Variants in ZNF480 observed in about 807,000 individuals in gnomAD.
The protein encoded by ZNF480 is zinc finger protein 480.
ZNF480 carries 15 observed loss-of-function variants against 14.4 expected under a neutral mutation model. That is an observed-to-expected ratio of 1.04 (90% CI 0.70 to 1.60). The LOEUF is 1.60. Ranked by LOEUF, ZNF480 falls within the 40% of genes most tolerant of loss-of-function variation. The pLI is 0.00. For missense variants in ZNF480, 593 were observed against 629.7 expected, an observed-to-expected ratio of 0.94 and a Z score of 0.62; for synonymous variants, 218 against 215.5, an observed-to-expected ratio of 1.01 and a Z score of -0.10.
Position 52,314,212 on chromosome 19 carries a change from G to A in ZNF480, c.132G>A (p.Leu44=). ...TCTCTCAGGCGGAGTGGAAATGCCTGGACCCTGCACAGAGGGCTTTATACA... is the reference window on the plus strand; with the variant it reads ...TCTCTCAGGCGGAGTGGAAATGCCTAGACCCTGCACAGAGGGCTTTATACA... ...IEFSQAEWKC[L]DPAQRALYKD... The change falls in exon 3 of 5, where the codon CTG becomes CTA. Residue 44 remains leucine, a synonymous_variant. Coordinates refer to ENST00000595962, the MANE Select transcript of ZNF480 (RefSeq NM_144684.4). The A allele has an allele frequency of 6.3e-7, 1 of 1,585,550 alleles. No individual in the cohort carries two copies. Among genetic ancestry groups the A allele is most frequent in the Admixed American group, 1.7e-5 (1 of 59,012 alleles).
At chr19:52,310,386 T>C (rs896167976) in intron 2 of ZNF480, among the ~76,000 whole-genome samples, 2 of 152,214 alleles carry the variant, frequency 1.3e-5, no homozygotes, top group African/African-American at 4.8e-5. Flanking sequence ...GTTAATATGT[T>C]AAAATGACAT....
chr19:52,301,291 A>C (rs1011857621), intron 2 of ZNF480: 10 of 152,236 alleles, frequency 6.6e-5, no homozygotes, highest in African/African-American at 2.2e-4. Flanking sequence ...AATAGCTGCT[A>C]ATCTGTCTGC....
chr19:52,308,064 A>G (rs1056071087), intron 2 of ZNF480, among the ~76,000 whole-genome samples: 1 of 152,040 alleles, frequency 6.6e-6, no homozygotes, highest in African/African-American at 2.4e-5. Flanking sequence ...ACTGGGGATG[A>G]GGCTTCACTG....
intron 4 of ZNF480, among the ~76,000 whole-genome samples, chr19:52,318,858 C>CT (rs978273359): frequency 1.5e-4 from 23 of 150,542 alleles, no homozygotes; most frequent in East Asian, 7.8e-4. Context: ...TCTATTCTTG[C>CT]TTTTTTTTTC....
intron 2 of ZNF480, among the ~76,000 whole-genome samples, chr19:52,308,309 T>TC (rs771262154): frequency 2.4e-4 from 25 of 104,078 alleles, no homozygotes; most frequent in South Asian, 1.9e-3. Context: ...TTTTTCTTCT[T>TC]TTTTTTTTTT....
In ZNF480 at chr19:52,325,373, CAA is replaced by C. The variant is rs1253738464; in HGVS notation, c.*2517_*2518del. The C allele has an allele frequency of 2.6e-5, 4 of 152,170 alleles. No individual in the cohort carries two copies. The highest frequency in any genetic ancestry group is 4.4e-5 in the Non-Finnish European group (3 of 68,032). The allele number at this position is 152,170 out of a possible 1,614,324, so 9.4% of individuals were successfully genotyped here. A position where few individuals can be genotyped will look rare whatever the true frequency, so the allele number is the denominator to read the frequency against. ...TGTGGAAAGCACTGCAGCGATTTCT[CAA>C]AGACATAAAAGAACATAGCATTCAA... On this transcript the variant is annotated 3_prime_UTR_variant, in exon 5 of 5. Coordinates refer to ENST00000595962, the MANE Select transcript of ZNF480 (RefSeq NM_144684.4).
At chr19:52,306,345 T>C (rs983328259) in intron 2 of ZNF480, among the ~76,000 whole-genome samples, 5 of 152,166 alleles carry the variant, frequency 3.3e-5, no homozygotes, top group African/African-American at 9.7e-5. Context: ...CCTGAAGTGA[T>C]TTTTTTCCCA....
chr19:52,307,240 T>C (rs1025881918), intron 2 of ZNF480, among the ~76,000 whole-genome samples: 3 of 152,200 alleles, frequency 2.0e-5, no homozygotes, highest in Non-Finnish European at 4.4e-5. Context: ...AATATTTCTC[T>C]ACCACACTAA....
At chr19:52,321,519 C>G in intron 4 of ZNF480, 60 bp from the exon 5 acceptor site, 1 of 1,413,984 alleles carries the variant, frequency 7.1e-7, no homozygotes, top group Admixed American at 2.3e-5. Context: ...GTATTTTCAT[C>G]AGACTCTAAA....
At chr19:52,304,164 C>T (rs142160029) in intron 2 of ZNF480, among the ~76,000 whole-genome samples, 5,225 of 152,278 alleles carry the variant, frequency 0.034, 98 homozygotes, top group Middle Eastern at 0.078. Context: ...CCAATGAAAA[C>T]GCTTAGCAGG....
intron 4 of ZNF480, among the ~76,000 whole-genome samples, chr19:52,316,770 T>G (rs1983577614): frequency 2.6e-5 from 4 of 152,220 alleles, no homozygotes; most frequent in Admixed American, 2.6e-4. Context: ...AATTTCAGTA[T>G]TTTGGATACT....
Position 52,322,700 on chromosome 19 carries a change from A to G in ZNF480, c.1450A>G (p.Lys484Glu), listed in dbSNP as rs1237100827. The change falls in exon 5 of 5, where the codon AAA (lysine) becomes GAA (glutamate). Residue 484 changes from lysine (K) to glutamate (E), a missense_variant. Transcript: ENST00000595962. ...AATCCATACTGGAGAAAGACCTTAC[A>G]AATGTAATGAATGTGGCAAGGTCTT... is the stretch of plus-strand genomic sequence containing the variant. ...QRIHTGERPY[K>E]CNECGKVFNR... is the part of the protein sequence containing the mutation. The G allele has an allele frequency of 3.1e-6, 5 of 1,613,664 alleles. No homozygotes were observed. Among genetic ancestry groups the G allele is most frequent in the Non-Finnish European group, 4.2e-6 (5 of 1,179,794 alleles).
At chr19:52,309,225 T>C (rs974395683) in intron 2 of ZNF480, among the ~76,000 whole-genome samples, 3 of 152,230 alleles carry the variant, frequency 2.0e-5, no homozygotes, top group African/African-American at 7.2e-5. Context: ...GTGTCTGGCT[T>C]GGTTCAGGGA....
intron 3 of ZNF480, among the ~76,000 whole-genome samples, chr19:52,315,311 G>C (rs1983497251): frequency 6.7e-6 from 1 of 149,450 alleles, no homozygotes; most frequent in Non-Finnish European, 1.5e-5. Flanking sequence ...CCTGTGCTTT[G>C]TTTTATGTTT....
chr19:52,311,263 C>G (rs531356047), intron 2 of ZNF480, among the ~76,000 whole-genome samples: 2 of 151,988 alleles, frequency 1.3e-5, no homozygotes, highest in East Asian at 3.9e-4. Flanking sequence ...GCAGGAGCAT[C>G]CCTTGAATGC....
chr19:52,311,805 T>A (rs1284932427), intron 2 of ZNF480, among the ~76,000 whole-genome samples: 2 of 151,742 alleles, frequency 1.3e-5, no homozygotes, highest in Non-Finnish European at 2.9e-5. Context: ...AGACCCTGTC[T>A]CTAAAAATTA....
At chr19:52,320,451 G>T (rs1176318300) in intron 4 of ZNF480, among the ~76,000 whole-genome samples, 1 of 152,110 alleles carries the variant, frequency 6.6e-6, no homozygotes, top group African/African-American at 2.4e-5. Flanking sequence ...CAAGGAGTTC[G>T]AGACCAGTCT....
intron 2 of ZNF480, among the ~76,000 whole-genome samples, chr19:52,311,225 T>C (rs1983269430): frequency 6.6e-6 from 1 of 152,058 alleles, no homozygotes; most frequent in African/African-American, 2.4e-5. Flanking sequence ...CACATGTGTG[T>C]AGAATCCCAG....
Position 52,322,470 on chromosome 19 carries a change from T to C in ZNF480, c.1220T>C (p.Val407Ala), listed in dbSNP as rs1471997181. ...KPYKCNECGK[V>A]FNQLSNLARH... ...TACAAATGTAATGAATGTGGAAAAG[T>C]ATTTAATCAACTTTCAAATCTTGCA... Residue 407 changes from valine to alanine, a missense_variant, in exon 5 of 5, where the codon GTA becomes GCA. By Grantham distance (64) the Val-to-Ala change is moderately conservative (BLOSUM62 0). Coordinates refer to ENST00000595962, the MANE Select transcript of ZNF480 (RefSeq NM_144684.4). 1 of 1,613,834 alleles carries C rather than the reference T, an allele frequency of 6.2e-7. No individual in the cohort carries two copies. Among genetic ancestry groups the C allele is most frequent in the East Asian group, 2.2e-5 (1 of 44,868 alleles).
Sources: allele counts gnomAD v4.1 joint callset (sites outside exome capture counted in the v4.1 genomes callset), GRCh38; gene constraint gnomAD v4.1.1; transcripts MANE v1.5; gene names NCBI Gene and HGNC (gene_info 2026-07-23, HGNC 2026-07-21).